The following ANAPC7 variants were observed in gnomAD, a reference collection of about 807,000 sequenced individuals.
ANAPC7 encodes anaphase-promoting complex subunit 7.
In ANAPC7, 25 loss-of-function variants were observed where a neutral mutation model predicts 63.3. The observed-to-expected ratio is 0.39, with a 90% confidence interval of 0.29 to 0.55. The LOEUF (loss-of-function observed/expected upper bound fraction) is 0.55, where lower values mean the gene tolerates loss of function less well. Among genes scored for constraint, ANAPC7 ranks in the 20% least tolerant of loss-of-function variants. The pLI is 0.57. For missense variants in ANAPC7, 516 were observed against 691.7 expected, an observed-to-expected ratio of 0.75 and a Z score of 2.85; for synonymous variants, 241 against 251.7, an observed-to-expected ratio of 0.96 and a Z score of 0.40.
At chr12:110,379,332 A>G (rs926325492) in intron 8 of ANAPC7, among the ~76,000 whole-genome samples, 8 of 152,210 alleles carry the variant, frequency 5.3e-5, no homozygotes, top group African/African-American at 1.9e-4. Flanking sequence ...TCCAACTGGA[A>G]ACTGTAAGAA....
chr12:110,402,106 C>T (rs576224424), intron 1 of ANAPC7, among the ~76,000 whole-genome samples: 15 of 150,844 alleles, frequency 9.9e-5, no homozygotes, highest in South Asian at 2.1e-4. Flanking sequence ...ACCCAGGAAG[C>T]GGAGGCTGCA....
At position 110,376,057 on chromosome 12, in the gene ANAPC7, A is replaced by G. The variant is rs1465843639; in HGVS notation, c.1508+9T>C. 1 of 1,608,480 alleles carries G rather than the reference A, an allele frequency of 6.2e-7. No homozygotes were observed. The highest frequency in any genetic ancestry group is 1.7e-5 in the Admixed American group (1 of 59,742). Reference sequence around the variant, plus strand: ...CAGTGGCCTTCCCCCAAGGGAGGCTAGTGCCTACCTTAGTGCTATACTATA... The same window carrying G: ...CAGTGGCCTTCCCCCAAGGGAGGCTGGTGCCTACCTTAGTGCTATACTATA... On this transcript the variant is annotated intron_variant, in intron 10 of 10. Transcript: ENST00000455511.
intron 9 of ANAPC7, among the ~76,000 whole-genome samples, chr12:110,376,676 C>T (rs561828771): frequency 6.9e-6 from 1 of 144,982 alleles, no homozygotes; most frequent in East Asian, 2.0e-4. Context: ...ATTCAATGAA[C>T]CAAATTATGA....
chr12:110,388,076 C>T (rs1271287942), intron 4 of ANAPC7, among the ~76,000 whole-genome samples, 184 bp from the exon 5 acceptor site: 1 of 152,116 alleles, frequency 6.6e-6, no homozygotes, highest in Non-Finnish European at 1.5e-5. Context: ...TGTTCTGTCC[C>T]CCTGGGCTGG....
At chr12:110,379,840 C>G in intron 8 of ANAPC7, among the ~76,000 whole-genome samples, 1 of 152,268 alleles carries the variant, frequency 6.6e-6, no homozygotes, top group South Asian at 2.1e-4. Flanking sequence ...GACTGAGTCA[C>G]CAAACGTTGC....
At chr12:110,385,766 A>T (rs1423728049) in intron 6 of ANAPC7, among the ~76,000 whole-genome samples, 1 of 152,136 alleles carries the variant, frequency 6.6e-6, no homozygotes, top group South Asian at 2.1e-4. Flanking sequence ...AATAGACAGC[A>T]TATCTATCTG....
rs560472016 is a variant in ANAPC7, at chr12:110,399,707, T to C, written c.102-3255A>G. 2.0e-5 allele frequency among the ~76,000 whole-genome samples: 3 copies of C among 151,482 alleles called. No homozygotes were observed. The South Asian group carries it at 6.3e-4, about 32-fold the overall frequency. ...TTAGAGGCTGAGGCAGGAGAATCGC[T>C]TGAACCTGGGAGGTGGAGGTTGCAG... is the stretch of plus-strand genomic sequence containing the variant. On this transcript the variant is annotated intron_variant, in intron 1 of 10. Coordinates refer to ENST00000455511, the MANE Select transcript of ANAPC7 (RefSeq NM_016238.3).
intron 3 of ANAPC7, among the ~76,000 whole-genome samples, chr12:110,389,960 CA>C (rs1222529491): frequency 4.0e-5 from 6 of 149,436 alleles, no homozygotes; most frequent in Middle Eastern, 3.4e-3. Flanking sequence ...CCCACAAAAA[CA>C]AAAAAAAAGC....
intron 10 of ANAPC7, chr12:110,375,534 G>A (rs1881186103): frequency 1.1e-6 from 1 of 880,922 alleles, no homozygotes; most frequent in Non-Finnish European, 1.4e-6. Flanking sequence ...ACAGGGCTAA[G>A]AGCTTTACAT....
intron 2 of ANAPC7, 111 bp from the exon 3 acceptor site, chr12:110,395,331 T>C: frequency 9.3e-7 from 1 of 1,071,434 alleles, no homozygotes; most frequent in South Asian, 1.6e-5. Context: ...TTTTTTTTTT[T>C]TGAGACAGGG....
rs750222106 is a variant in ANAPC7, at chr12:110,396,326, T to C, written c.228A>G (p.Leu76=). 29 of 1,613,880 alleles carry C rather than the reference T, an allele frequency of 1.8e-5. No homozygotes were observed. In the South Asian group the frequency reaches 2.7e-4, roughly 15 times the overall value. The change falls in exon 2 of 11, where the codon CTA becomes CTG. Residue 76 remains leucine, a synonymous_variant. Transcript: ENST00000455511. ...AAGGTCTCACTTTTGAAGTTTTACT[T>C]AGCGCTTTCTTCTGCTGTAAAGCCA... The part of the protein sequence containing the change: ...YTMALQQKKA[L]SKTSKVRPST...
At chr12:110,402,142 T>G (rs1336840877) in intron 1 of ANAPC7, among the ~76,000 whole-genome samples, 1 of 150,168 alleles carries the variant, frequency 6.7e-6, no homozygotes, top group East Asian at 1.9e-4. Flanking sequence ...GCCACTCAAC[T>G]CCAGCATGGG....
At chr12:110,378,471 T>A (rs749317348) in intron 8 of ANAPC7, 1 of 152,242 alleles carries the variant, frequency 6.6e-6, no homozygotes, top group African/African-American at 2.4e-5. Context: ...GGAGAAAGAC[T>A]CTTTTATTTG....
intron 3 of ANAPC7, among the ~76,000 whole-genome samples, chr12:110,390,632 A>G (rs901558217): frequency 1.3e-5 from 2 of 152,248 alleles, no homozygotes; most frequent in Non-Finnish European, 2.9e-5. Flanking sequence ...AATACTAAAA[A>G]TAAAACTATT....
chr12:110,377,745 T>C (rs1881421250), intron 8 of ANAPC7, 128 bp from the exon 9 acceptor site: 2 of 1,508,600 alleles, frequency 1.3e-6, no homozygotes, highest in Non-Finnish European at 1.8e-6. Context: ...GGGAAACTGA[T>C]GGTGAGATTA....
chr12:110,382,014 A>G (rs1468304647), intron 7 of ANAPC7, 66 bp from the exon 8 acceptor site: 2 of 1,432,404 alleles, frequency 1.4e-6, no homozygotes, highest in Middle Eastern at 2.4e-4. Context: ...GACTACAAAG[A>G]AAGTTGATCC....
chr12:110,383,907 AAAG>A (rs1343939809), intron 6 of ANAPC7, among the ~76,000 whole-genome samples: 1 of 149,738 alleles, frequency 6.7e-6, no homozygotes, highest in Non-Finnish European at 1.5e-5. Context: ...AAGAAAAAAA[AAAG>A]AAAAAAGAAG....
At chr12:110,384,305 G>C (rs1305662455) in intron 6 of ANAPC7, among the ~76,000 whole-genome samples, 1 of 152,084 alleles carries the variant, frequency 6.6e-6, no homozygotes, top group Non-Finnish European at 1.5e-5. Flanking sequence ...GCTAAGGCAG[G>C]AGGATTGCTT....
chr12:110,396,766 C>T (rs926825916), intron 1 of ANAPC7, among the ~76,000 whole-genome samples: 1 of 151,746 alleles, frequency 6.6e-6, no homozygotes, highest in Non-Finnish European at 1.5e-5. Context: ...CTACCTGCGT[C>T]GGCCTCCCAA....
Sources: allele counts gnomAD v4.1 joint callset (sites outside exome capture counted in the v4.1 genomes callset), GRCh38; gene constraint gnomAD v4.1.1; transcripts MANE v1.5; gene names NCBI Gene and HGNC (gene_info 2026-07-23, HGNC 2026-07-21).